Variants in OTOA observed in about 807,000 individuals in gnomAD.
OTOA encodes otoancorin.
OTOA carries 70 observed loss-of-function variants against 110.8 expected under a neutral mutation model. The observed-to-expected ratio is 0.63, with a 90% CI of 0.52 to 0.77. The LOEUF (loss-of-function observed/expected upper bound fraction) is 0.77, where lower values mean the gene tolerates loss of function less well. Among genes scored for constraint, OTOA ranks in the 30% least tolerant of loss-of-function variants. The pLI, the probability that OTOA is intolerant of heterozygous loss-of-function variation, is 0.00. For missense variants in OTOA, 917 were observed against 1,075.8 expected, an observed-to-expected ratio of 0.85 and a Z score of 2.06; for synonymous variants, 373 against 431.5, an observed-to-expected ratio of 0.86 and a Z score of 1.68.
chr16:21,679,701 G>A (rs922756622), intron 5 of OTOA, among the ~76,000 whole-genome samples: 17 of 152,270 alleles, frequency 1.1e-4, no homozygotes, highest in Middle Eastern at 3.4e-3. Flanking sequence ...CACCGCAACC[G>A]GCCTAAGAGC....
intron 6 of OTOA, among the ~76,000 whole-genome samples, chr16:21,684,742 T>G (rs1966973568): frequency 1.5e-5 from 1 of 66,054 alleles, no homozygotes. Context: ...ATTATTATTA[T>G]TATTATTATT....
intron 15 of OTOA, among the ~76,000 whole-genome samples, chr16:21,718,364 T>C (rs1244164716): frequency 6.6e-6 from 1 of 152,076 alleles, no homozygotes; most frequent in Non-Finnish European, 1.5e-5. Context: ...GGGAAGACCA[T>C]GGGAGGGTCC....
chr16:21,666,864 C>A (rs1033673717), intron 1 of OTOA, among the ~76,000 whole-genome samples: 1 of 152,078 alleles, frequency 6.6e-6, no homozygotes, highest in Non-Finnish European at 1.5e-5. Flanking sequence ...TGCAGTTTCT[C>A]GCTGGAAAAA....
At chr16:21,691,200 T>C (rs1372695731) in intron 8 of OTOA, among the ~76,000 whole-genome samples, 1 of 152,170 alleles carries the variant, frequency 6.6e-6, no homozygotes, top group African/African-American at 2.4e-5. Flanking sequence ...CACATTTTCT[T>C]AATCCAGTCC....
chr16:21,725,191 C>A (rs534422089), intron 18 of OTOA, among the ~76,000 whole-genome samples: 2 of 152,276 alleles, frequency 1.3e-5, no homozygotes, highest in African/African-American at 4.8e-5. Flanking sequence ...AGAACAGTGC[C>A]TGGCTTACTG....
intron 18 of OTOA, 84 bp from the exon 19 acceptor site, chr16:21,726,439 G>A: frequency 6.4e-7 from 1 of 1,560,140 alleles, no homozygotes; most frequent in Non-Finnish European, 8.8e-7. Flanking sequence ...TTTGGGATGA[G>A]CTCTTGGGCA....
chr16:21,675,725 T>A (rs897469770), intron 1 of OTOA, among the ~76,000 whole-genome samples: 1 of 152,182 alleles, frequency 6.6e-6, no homozygotes, highest in East Asian at 1.9e-4. Flanking sequence ...GGGGTTTTTT[T>A]CGCACCTACC....
intron 20 of OTOA, among the ~76,000 whole-genome samples, chr16:21,729,042 A>ATTTTTT (rs11464811): frequency 6.8e-6 from 1 of 148,100 alleles, no homozygotes; most frequent in Admixed American, 6.7e-5. Context: ...TTTAAAGACT[A>ATTTTTT]TTTTTTTTTT....
At chr16:21,717,148 C>A (rs1555500143) in intron 15 of OTOA, 101 bp downstream of exon 15, 1 of 1,511,026 alleles carries the variant, frequency 6.6e-7, no homozygotes, top group South Asian at 1.1e-5. Flanking sequence ...AAATTTATTT[C>A]TGTGGGATTA....
At chr16:21,724,393 A>C (rs559093621) in intron 18 of OTOA, among the ~76,000 whole-genome samples, 1 of 152,230 alleles carries the variant, frequency 6.6e-6, no homozygotes, top group African/African-American at 2.4e-5. Context: ...GGGTAAGAAA[A>C]GCCAATCACT....
At chr16:21,685,423 T>C (rs2141659131) in intron 7 of OTOA, 62 bp downstream of exon 7, 1 of 1,594,740 alleles carries the variant, frequency 6.3e-7, no homozygotes, top group Non-Finnish European at 8.5e-7. Flanking sequence ...GTTTGTTGAA[T>C]TGAATAAATG....
At chr16:21,753,949 A>C (rs1217320662) in intron 27 of OTOA, among the ~76,000 whole-genome samples, 1 of 132,100 alleles carries the variant, frequency 7.6e-6, no homozygotes, top group African/African-American at 2.8e-5. Context: ...AATCCCAGTT[A>C]CTTGGGAGGC....
chr16:21,717,077 T>C (rs1898579807), intron 15 of OTOA, 30 bp downstream of exon 15: 1 of 1,613,102 alleles, frequency 6.2e-7, no homozygotes, highest in Non-Finnish European at 8.5e-7. Context: ...ATCGATCCTG[T>C]ATTTCTGACT....
intron 18 of OTOA, among the ~76,000 whole-genome samples, chr16:21,724,234 G>A (rs1567392104): frequency 6.6e-6 from 1 of 152,148 alleles, no homozygotes; most frequent in Non-Finnish European, 1.5e-5. Context: ...TTCCAAAGGA[G>A]AGGCAAAGGG....
At chr16:21,736,657 C>T (rs544326295) in intron 22 of OTOA, among the ~76,000 whole-genome samples, 1 of 152,062 alleles carries the variant, frequency 6.6e-6, no homozygotes, top group Admixed American at 6.6e-5. Flanking sequence ...ATGGCGAAAC[C>T]CTGTCTCTAC....
intron 28 of OTOA, among the ~76,000 whole-genome samples, chr16:21,758,194 T>C (rs1900055352): frequency 6.6e-6 from 1 of 151,928 alleles, no homozygotes; most frequent in Non-Finnish European, 1.5e-5. Context: ...CCATTTCCCC[T>C]TCACTTTCTC....
chr16:21,714,848 G>A, intron 13 of OTOA, 137 bp from the exon 14 acceptor site: 1 of 1,110,824 alleles, frequency 9.0e-7, no homozygotes, highest in South Asian at 1.3e-5. Flanking sequence ...GGCCTGTGGA[G>A]GCAGCATCTG....
At position 21,695,552 on chromosome 16, in the gene OTOA, A is replaced by T. The variant is rs79484419; in HGVS notation, c.740-2223A>T. 7.4e-3 allele frequency among the ~76,000 whole-genome samples: 1,121 copies of T among 151,984 alleles called. 27 individuals are homozygous for T. Among genetic ancestry groups the T allele is most frequent in the East Asian group, 0.053 (276 of 5,172 alleles). ...AATGTCCAGGGTCCCCATCTAGAGG[A>T]TCGTAGGAGTCTGCCTGTGTCACCC... is the stretch of plus-strand genomic sequence containing the variant. On this transcript the variant is annotated intron_variant, in intron 9 of 28. Transcript: ENST00000646100.
At chr16:21,710,161 C>T (rs1191148107) in intron 13 of OTOA, 58 bp downstream of exon 13, 1 of 1,453,720 alleles carries the variant, frequency 6.9e-7, no homozygotes, top group East Asian at 2.5e-5. Flanking sequence ...GTGTATTAGA[C>T]CTGCCAGGCT....
Sources: allele counts gnomAD v4.1 joint callset (sites outside exome capture counted in the v4.1 genomes callset), GRCh38; gene constraint gnomAD v4.1.1; transcripts MANE v1.5; gene names NCBI Gene and HGNC (gene_info 2026-07-23, HGNC 2026-07-21).